The following SDK1 variants were observed in gnomAD, a reference collection of about 807,000 sequenced individuals.
The protein encoded by SDK1 is sidekick cell adhesion molecule 1, also known as protein sidekick-1.
Under a neutral mutation model 245.5 loss-of-function variants are expected in SDK1, and 157 were observed. That is an observed-to-expected ratio of 0.64 (90% CI 0.56 to 0.73). The LOEUF (loss-of-function observed/expected upper bound fraction) is 0.73. Among genes scored for constraint, SDK1 ranks in the 30% least tolerant of loss-of-function variants. The pLI is 0.00. For missense variants in SDK1, 3,583 were observed against 3,002.3 expected, an observed-to-expected ratio of 1.19 and a Z score of -4.52; for synonymous variants, 1,647 against 1,278.5, an observed-to-expected ratio of 1.29 and a Z score of -6.15.
intron 44 of SDK1, among the ~76,000 whole-genome samples, chr7:4,256,607 A>G (rs939342052): frequency 6.6e-6 from 1 of 152,272 alleles, no homozygotes; most frequent in African/African-American, 2.4e-5. Flanking sequence ...TACTGGAGAC[A>G]GCTTGTAGAT....
Position 4,245,752 on chromosome 7 carries a change from C to G in SDK1, c.6328C>G (p.Leu2110Val). 6.2e-7 allele frequency: 1 copy of G among 1,614,028 alleles called. No individual in the cohort carries two copies. Among genetic ancestry groups the G allele is most frequent in the Non-Finnish European group, 8.5e-7 (1 of 1,179,960 alleles). Residue 2110 changes from leucine to valine, a missense_variant, in exon 44 of 45, where the codon CTG (leucine) becomes GTG (valine). Coordinates refer to ENST00000404826, the MANE Select transcript of SDK1 (RefSeq NM_152744.4). ...CTGCAACAAGTACAACGGCGCCGTG[C>G]TGACCGAGAGCGTGAGCCTCAAGGA... ...DICNKYNGAV[L>V]TESVSLKEKS...
chr7:4,177,754 C>A (rs662498), intron 34 of SDK1, among the ~76,000 whole-genome samples: 97,699 of 151,586 alleles, frequency 0.64, 31,973 homozygotes, highest in East Asian at 0.72. Context: ...TACTTTATTT[C>A]CATTATTAGT....
At chr7:3,678,367 T>A (rs1173533311) in intron 4 of SDK1, among the ~76,000 whole-genome samples, 1 of 152,210 alleles carries the variant, frequency 6.6e-6, no homozygotes, top group Non-Finnish European at 1.5e-5. Flanking sequence ...AGAAATAATC[T>A]AAGTGTCCAT....
At chr7:3,907,294 T>G (rs1778984395) in intron 5 of SDK1, among the ~76,000 whole-genome samples, 1 of 152,156 alleles carries the variant, frequency 6.6e-6, no homozygotes, top group South Asian at 2.1e-4. Flanking sequence ...TATTCCCACC[T>G]CCCCTTTCGC....
At chr7:3,482,752 G>A (rs1405095516) in intron 1 of SDK1, among the ~76,000 whole-genome samples, 1 of 152,180 alleles carries the variant, frequency 6.6e-6, no homozygotes, top group Admixed American at 6.5e-5. Context: ...GAGGAAAGCA[G>A]CTTCCACCCA....
chr7:3,931,123 G>T (rs922861881), intron 5 of SDK1, among the ~76,000 whole-genome samples: 1 of 152,192 alleles, frequency 6.6e-6, no homozygotes, highest in Non-Finnish European at 1.5e-5. Context: ...GCCAAAGACA[G>T]GATCCTTGGG....
intron 1 of SDK1, among the ~76,000 whole-genome samples, chr7:3,379,103 G>A (rs985310152): frequency 2.6e-5 from 4 of 152,118 alleles, no homozygotes; most frequent in African/African-American, 9.7e-5. Flanking sequence ...CAACTGACAT[G>A]GGTTCCTTCT....
intron 5 of SDK1, among the ~76,000 whole-genome samples, chr7:3,899,260 C>T (rs1027050921): frequency 5.3e-5 from 8 of 152,146 alleles, no homozygotes; most frequent in African/African-American, 9.7e-5. Context: ...AGAAATATTG[C>T]GCTTTAACAC....
At position 3,883,753 on chromosome 7, in the gene SDK1, C is replaced by T. The variant is rs184816222; in HGVS notation, c.847+62170C>T. 1.2e-4 allele frequency among the ~76,000 whole-genome samples: 18 copies of T among 146,058 alleles called. No individual in the cohort carries two copies. The East Asian group carries it at 1.7e-3, about 14-fold the overall frequency. On this transcript the variant is annotated intron_variant, in intron 5 of 44. Coordinates refer to ENST00000404826, the MANE Select transcript of SDK1 (RefSeq NM_152744.4). The stretch of plus-strand genomic sequence containing the variant: ...CAGAGGGATCATCACTCTTCCTCCA[C>T]GGTGGTTCTTGAATACAGTCCTTCC...
At chr7:3,962,952 C>G in intron 9 of SDK1, 101 bp downstream of exon 9, 1 of 502,762 alleles carries the variant, frequency 2.0e-6, no homozygotes, top group Admixed American at 4.8e-5. Context: ...CACCCAGGCT[C>G]ACAGCTACCT....
intron 1 of SDK1, among the ~76,000 whole-genome samples, chr7:3,419,156 C>T (rs1473103597): frequency 1.3e-5 from 2 of 152,196 alleles, no homozygotes; most frequent in Non-Finnish European, 2.9e-5. Context: ...CTGTATTAAC[C>T]TATTTAATCT....
At chr7:3,598,169 T>A (rs1390148907) in intron 1 of SDK1, among the ~76,000 whole-genome samples, 1 of 152,248 alleles carries the variant, frequency 6.6e-6, no homozygotes, top group Non-Finnish European at 1.5e-5. Context: ...GCTTCCCATG[T>A]GCTCGTGGGC....
intron 4 of SDK1, among the ~76,000 whole-genome samples, chr7:3,815,950 G>A (rs1298229815): frequency 1.4e-5 from 2 of 143,020 alleles, no homozygotes; most frequent in African/African-American, 5.6e-5. Context: ...CTCACTCAAA[G>A]CCGCTCAACT....
chr7:3,484,735 C>G lies in SDK1; in HGVS notation c.299-134345C>G, dbSNP rs540891683. ...TCCACAAGATCGGTTTTTTTTAGCTCCCACATAGGAGTGAGAACATGGGAT... is the reference window on the plus strand; with the variant it reads ...TCCACAAGATCGGTTTTTTTTAGCTGCCACATAGGAGTGAGAACATGGGAT... On this transcript the variant is annotated intron_variant, in intron 1 of 44. Coordinates refer to ENST00000404826, the MANE Select transcript of SDK1 (RefSeq NM_152744.4). Among the ~76,000 whole-genome samples, 8 of 152,226 alleles carry G rather than the reference C, an allele frequency of 5.3e-5. No individual in the cohort carries two copies. In the South Asian group the frequency reaches 1.5e-3, roughly 28 times the overall value.
chr7:4,214,646 A>G (rs1388035118), intron 38 of SDK1, among the ~76,000 whole-genome samples: 2 of 151,686 alleles, frequency 1.3e-5, no homozygotes, highest in African/African-American at 4.9e-5. Context: ...AGCCATGCAG[A>G]CCCCCCACGT....
intron 1 of SDK1, among the ~76,000 whole-genome samples, chr7:3,426,948 C>T (rs1331495376): frequency 6.6e-6 from 1 of 152,178 alleles, no homozygotes; most frequent in African/African-American, 2.4e-5. Context: ...TTAGCTCTTG[C>T]TTGCCTTCCA....
chr7:3,679,108 G>C (rs1229329810), intron 4 of SDK1, among the ~76,000 whole-genome samples: 1 of 152,170 alleles, frequency 6.6e-6, no homozygotes. Context: ...AATTGAATTT[G>C]ATCAAAAGTG....
At chr7:3,377,656 T>A (rs2128565905) in intron 1 of SDK1, among the ~76,000 whole-genome samples, 1 of 152,268 alleles carries the variant, frequency 6.6e-6, no homozygotes, top group Non-Finnish European at 1.5e-5. Context: ...CCTGAAGCTC[T>A]CCACAGAGAA....
intron 5 of SDK1, among the ~76,000 whole-genome samples, chr7:3,823,061 G>A (rs1583450947): frequency 6.6e-6 from 1 of 152,078 alleles, no homozygotes; most frequent in African/African-American, 2.4e-5. Context: ...GATGAGTGGG[G>A]TCTTTGTGAT....
Sources: allele counts gnomAD v4.1 joint callset (sites outside exome capture counted in the v4.1 genomes callset), GRCh38; gene constraint gnomAD v4.1.1; transcripts MANE v1.5; gene names NCBI Gene and HGNC (gene_info 2026-07-23, HGNC 2026-07-21).